The following SNTG2 variants were observed in gnomAD, a reference collection of about 807,000 sequenced individuals.
SNTG2 encodes gamma-2-syntrophin.
SNTG2 carries 74 observed loss-of-function variants against 70.9 expected under a neutral mutation model. The observed-to-expected ratio is 1.04, with a 90% CI of 0.86 to 1.27. SNTG2 has a LOEUF of 1.27. SNTG2 is among the 50% of genes most tolerant of loss of function. The pLI is 0.00. For missense variants in SNTG2, 717 were observed against 690.7 expected (o/e 1.04, Z -0.43); for synonymous variants, 278 against 273.8 (o/e 1.02, Z -0.15).
chr2:1,280,536 T>C (rs1422077851), intron 14 of SNTG2, among the ~76,000 whole-genome samples: 1 of 152,210 alleles, frequency 6.6e-6, no homozygotes, highest in Non-Finnish European at 1.5e-5. Flanking sequence ...TTGATTCCTT[T>C]TGAGCTTCTC....
rs568205811 is a variant in SNTG2 at position 1,208,973 on chromosome 2, C to T, written c.592-130C>T. On this transcript the variant is annotated intron_variant, in intron 8 of 16. Transcript: ENST00000308624. The stretch of plus-strand genomic sequence containing the variant: ...TTCTTTCCAGATCTTTCAGAAACAA[C>T]CTCACTTGCTTTTTTATCAGTTGAA... The T allele has an allele frequency of 9.1e-5, 98 of 1,078,362 alleles. No individual in the cohort carries two copies. The African/African-American group carries it at 1.5e-3, about 16-fold the overall frequency. The allele number at this position is 1,078,362 out of a possible 1,614,324, so 66.8% of individuals were successfully genotyped here.
intron 1 of SNTG2, among the ~76,000 whole-genome samples, chr2:964,293 A>G (rs1010619202): frequency 2.6e-5 from 4 of 152,298 alleles, no homozygotes; most frequent in African/African-American, 9.6e-5. Context: ...ATTGACTTGT[A>G]TACTGTGTTC....
At chr2:1,056,960 GGGA>G in intron 1 of SNTG2, among the ~76,000 whole-genome samples, 1 of 508 alleles carries the variant, frequency 2.0e-3, no homozygotes, top group Non-Finnish European at 0.012. Flanking sequence ...GCTGTGGGGA[GGGA>G]GGGAGGGAGA....
In SNTG2 at chr2:1,121,548, T is replaced by C. The variant is rs34812622; in HGVS notation, c.326-16074T>C. Among the ~76,000 whole-genome samples, 698 of 150,938 alleles carry C rather than the reference T, an allele frequency of 4.6e-3. 1 individual carries two copies. The highest frequency in any genetic ancestry group is 7.9e-3 in the Non-Finnish European group (534 of 67,364). On this transcript the variant is annotated intron_variant, in intron 4 of 16. Transcript: ENST00000308624. The stretch of plus-strand genomic sequence containing the variant: ...AAAGAACTGTCTGAGACTGGGTAAT[T>C]TATATGAAGGAAAGTGTTTGACTCA...
intron 16 of SNTG2, chr2:1,341,013 A>G (rs1412178065): frequency 6.6e-6 from 1 of 152,204 alleles, no homozygotes; most frequent in Non-Finnish European, 1.5e-5. Context: ...ATAGACACAG[A>G]CTGGGGTTTG....
chr2:1,308,849 G>A (rs1489984314), intron 15 of SNTG2, among the ~76,000 whole-genome samples: 1 of 152,144 alleles, frequency 6.6e-6, no homozygotes, highest in Non-Finnish European at 1.5e-5. Context: ...CTGCTAAGGA[G>A]GGACCCACAA....
intron 4 of SNTG2, among the ~76,000 whole-genome samples, chr2:1,134,101 G>C (rs763403148): frequency 6.6e-6 from 1 of 152,114 alleles, no homozygotes; most frequent in Non-Finnish European, 1.5e-5. Context: ...TCCTCCCTGT[G>C]GGTTTGTGGT....
intron 12 of SNTG2, among the ~76,000 whole-genome samples, chr2:1,257,282 C>T (rs1678174132): frequency 6.6e-6 from 1 of 152,172 alleles, no homozygotes; most frequent in Admixed American, 6.5e-5. Context: ...TTCCCTGAAT[C>T]AATCATGTTG....
At chr2:1,177,794 C>G (rs910535823) in intron 8 of SNTG2, among the ~76,000 whole-genome samples, 1 of 152,022 alleles carries the variant, frequency 6.6e-6, no homozygotes, top group African/African-American at 2.4e-5. Flanking sequence ...AGTTGACATG[C>G]ACTTCTTGAG....
At chr2:1,330,008 T>G (rs781777395) in intron 16 of SNTG2, among the ~76,000 whole-genome samples, 6 of 152,158 alleles carry the variant, frequency 3.9e-5, no homozygotes, top group South Asian at 4.1e-4. Flanking sequence ...TGCCACTGCC[T>G]CTGAGCAGAT....
chr2:1,199,407 T>G (rs1389419867), intron 8 of SNTG2, among the ~76,000 whole-genome samples: 1 of 151,990 alleles, frequency 6.6e-6, no homozygotes, highest in Non-Finnish European at 1.5e-5. Context: ...GGCCCATGAC[T>G]AGTATTGTAG....
intron 1 of SNTG2, among the ~76,000 whole-genome samples, chr2:979,255 T>C (rs1488067109): frequency 6.6e-6 from 1 of 152,254 alleles, no homozygotes; most frequent in Non-Finnish European, 1.5e-5. Context: ...TAGTGGCTGC[T>C]TCAGGCATCA....
At chr2:1,279,125 CGTCAGTGCGCGAATCACCCCTCT>C (rs1679413672) in intron 14 of SNTG2, among the ~76,000 whole-genome samples, 1 of 145,060 alleles carries the variant, frequency 6.9e-6, no homozygotes, top group Non-Finnish European at 1.5e-5. Flanking sequence ...GCGAATCACC[CGTCAGTGCGCGAATCACCCCTCT>C]GTCAGTGCAT....
intron 9 of SNTG2, among the ~76,000 whole-genome samples, chr2:1,215,237 T>C (rs1429576652): frequency 2.0e-5 from 3 of 152,200 alleles, no homozygotes; most frequent in African/African-American, 7.2e-5. Context: ...ATTAGGATAA[T>C]GCTGGCCTCA....
Position 1,267,484 on chromosome 2 carries a change from T to A in SNTG2, c.1197T>A (p.His399Gln). The change falls in exon 14 of 17, where the codon CAT (histidine) becomes CAA (glutamine). Residue 399 changes from histidine to glutamine, a missense_variant. Physicochemically the swap from His to Gln is conservative, Grantham distance 24 (BLOSUM62 0). Coordinates refer to ENST00000308624, the MANE Select transcript of SNTG2 (RefSeq NM_018968.4). ...FSIVAGHGKSHVFNVELGSEL... is the reference protein window; with the variant it reads ...FSIVAGHGKSQVFNVELGSEL... ...TCGTGGCCGGCCATGGGAAGAGCCA[T>A]GTTTTCAACGTGGAGCTTGGCAGCG... is the stretch of plus-strand genomic sequence containing the variant. The A allele has an allele frequency of 6.2e-7, 1 of 1,613,912 alleles. No homozygotes were observed. Among genetic ancestry groups the A allele is most frequent in the Non-Finnish European group, 8.5e-7 (1 of 1,179,866 alleles).
At chr2:998,125 A>G (rs752107044) in intron 1 of SNTG2, among the ~76,000 whole-genome samples, 4 of 152,204 alleles carry the variant, frequency 2.6e-5, no homozygotes, top group Non-Finnish European at 5.9e-5. Context: ...CACAACATAC[A>G]TTATAGTCAC....
intron 1 of SNTG2, among the ~76,000 whole-genome samples, chr2:993,087 T>TTA (rs1553305728): frequency 2.9e-4 from 42 of 145,550 alleles, no homozygotes; most frequent in Middle Eastern, 3.6e-3. Context: ...TTTTTTTTTT[T>TTA]ATTATACTCT....
chr2:1,169,968 C>T (rs1044161237), intron 7 of SNTG2, among the ~76,000 whole-genome samples: 2 of 134,886 alleles, frequency 1.5e-5, no homozygotes, highest in Non-Finnish European at 3.2e-5. Flanking sequence ...TCTATAAATT[C>T]AGGCGAAACG....
intron 9 of SNTG2, among the ~76,000 whole-genome samples, chr2:1,222,470 G>A (rs1218255129): frequency 7.0e-6 from 1 of 142,712 alleles, no homozygotes; most frequent in Non-Finnish European, 1.5e-5. Flanking sequence ...TGGAGGTGCT[G>A]GATCGCTGTA....
Sources: allele counts gnomAD v4.1 joint callset (sites outside exome capture counted in the v4.1 genomes callset), GRCh38; gene constraint gnomAD v4.1.1; transcripts MANE v1.5; gene names NCBI Gene and HGNC (gene_info 2026-07-23, HGNC 2026-07-21).